The following STAU2 variants were observed in gnomAD, a reference collection of about 807,000 sequenced individuals.
STAU2 encodes staufen double-stranded RNA binding protein 2.
A neutral mutation model predicts 65.9 loss-of-function variants in STAU2; 20 were observed. That is an observed-to-expected ratio of 0.30 (90% CI 0.21 to 0.44). The LOEUF (loss-of-function observed/expected upper bound fraction) is 0.44, where lower values mean the gene tolerates loss of function less well. STAU2 is among the 20% of genes least tolerant of loss of function. The pLI is 1.00. For missense variants in STAU2, 558 were observed against 683.9 expected (o/e 0.82, Z 2.05); for synonymous variants, 232 against 233.9 (o/e 0.99, Z 0.07).
At chr8:73,578,498 G>A (rs1445274475) in intron 12 of STAU2, among the ~76,000 whole-genome samples, 1 of 152,166 alleles carries the variant, frequency 6.6e-6, no homozygotes, top group East Asian at 1.9e-4. Flanking sequence ...AAAGAAGGAT[G>A]ATATCATTCT....
At chr8:73,575,398 G>A (rs777469974) in intron 12 of STAU2, among the ~76,000 whole-genome samples, 6 of 152,134 alleles carry the variant, frequency 3.9e-5, no homozygotes, top group East Asian at 3.9e-4. Context: ...TGGTAGAGAC[G>A]TAAACTGCTG....
At chr8:73,630,858 A>G (rs985480365) in intron 6 of STAU2, among the ~76,000 whole-genome samples, 1 of 152,230 alleles carries the variant, frequency 6.6e-6, no homozygotes, top group Admixed American at 6.5e-5. Flanking sequence ...CAATGTTTCT[A>G]TGAAGCTGCA....
rs913369327 is a variant in STAU2 at position 73,697,778 on chromosome 8, C to T, written c.115-8965G>A. Among the ~76,000 whole-genome samples the T allele has an allele frequency of 3.3e-5, 5 of 152,194 alleles. 1 individual carries two copies. The highest frequency in any genetic ancestry group is 1.3e-4 in the Admixed American group (2 of 15,286). ...AAGCTGTCATCAGTTTAAAATAATG[C>T]GTTATAAGTATTAGTATTTGCACCG... On this transcript the variant is annotated intron_variant, in intron 4 of 14. Transcript: ENST00000524300.
intron 13 of STAU2, among the ~76,000 whole-genome samples, chr8:73,494,526 C>T (rs767089283): frequency 2.0e-5 from 3 of 151,552 alleles, no homozygotes; most frequent in Non-Finnish European, 4.4e-5. Flanking sequence ...TATTTTTGTA[C>T]TCAATGAAGT....
chr8:73,613,461 G>C (rs996857255), intron 9 of STAU2, among the ~76,000 whole-genome samples: 6 of 151,956 alleles, frequency 3.9e-5, no homozygotes, highest in African/African-American at 9.7e-5. Context: ...GTCATGAGGG[G>C]GATTATAGTA....
chr8:73,567,702 A>T (rs1245958810), intron 12 of STAU2, among the ~76,000 whole-genome samples: 1 of 151,938 alleles, frequency 6.6e-6, no homozygotes, highest in Non-Finnish European at 1.5e-5. Context: ...CATGTGCCAC[A>T]CCATGCCTGG....
chr8:73,666,962 G>A (rs1817284698), intron 6 of STAU2, among the ~76,000 whole-genome samples: 1 of 152,166 alleles, frequency 6.6e-6, no homozygotes, highest in Admixed American at 6.5e-5. Flanking sequence ...CATAAAGAGT[G>A]ATAAAATGAC....
intron 11 of STAU2, chr8:73,590,533 A>T (rs1810699703): frequency 6.6e-6 from 1 of 152,230 alleles, no homozygotes; most frequent in Admixed American, 6.5e-5. Context: ...AAGAAAAAAT[A>T]ACGTGAAATT....
At chr8:73,715,765 A>G (rs186413456) in intron 3 of STAU2, among the ~76,000 whole-genome samples, 1 of 152,194 alleles carries the variant, frequency 6.6e-6, no homozygotes, top group African/African-American at 2.4e-5. Context: ...AAATGAGATA[A>G]ATATTATTAT....
At chr8:73,462,658 A>G (rs1387401661) in intron 13 of STAU2, among the ~76,000 whole-genome samples, 32 of 152,112 alleles carry the variant, frequency 2.1e-4, no homozygotes, top group Admixed American at 2.1e-3. Flanking sequence ...AGGCCTCCCA[A>G]GGTGCTGGGA....
chr8:73,667,959 G>A (rs1267827558), intron 6 of STAU2, among the ~76,000 whole-genome samples: 1 of 152,116 alleles, frequency 6.6e-6, no homozygotes, highest in East Asian at 1.9e-4. Context: ...TTGAGGAACC[G>A]CTCCATAAAA....
upstream of STAU2, chr8:73,746,877 G>C (rs1312516190): frequency 8.5e-7 from 1 of 1,176,290 alleles, no homozygotes; most frequent in Non-Finnish European, 1.1e-6. Flanking sequence ...CACCCCTCGG[G>C]CTCCCCGCCC....
chr8:73,502,902 T>C (rs1821844686), intron 13 of STAU2, among the ~76,000 whole-genome samples: 2 of 152,112 alleles, frequency 1.3e-5, no homozygotes, highest in East Asian at 1.9e-4. Flanking sequence ...TAAAGGTTTA[T>C]TGAATGATTA....
chr8:73,552,183 A>C lies in STAU2; in HGVS notation c.1359T>G (p.Ser453Arg), dbSNP rs1231629839. 1 of 1,614,032 alleles carries C rather than the reference A, an allele frequency of 6.2e-7. No individual in the cohort carries two copies. Among genetic ancestry groups the C allele is most frequent in the South Asian group, 1.1e-5 (1 of 91,082 alleles). ...CTGAACTATTCGATGTGGGAGATAT[A>C]CTGAAGAAAGAGCTTGAAGGTTGGT... is the stretch of plus-strand genomic sequence containing the variant. ...DMNQPSSSFF[S>R]ISPTSNSSAT... The change falls in exon 13 of 15, where the codon AGT becomes AGG. Residue 453 changes from serine to arginine, a missense_variant. By Grantham distance (110) the Ser-to-Arg change is moderately radical. Transcript: ENST00000524300.
At chr8:73,446,767 G>A (rs2128893043) in intron 13 of STAU2, among the ~76,000 whole-genome samples, 1 of 151,688 alleles carries the variant, frequency 6.6e-6, no homozygotes, top group South Asian at 2.1e-4. Flanking sequence ...GAGCCATTGT[G>A]CCTATTTTTA....
At chr8:73,487,586 T>G (rs1182981334) in intron 13 of STAU2, among the ~76,000 whole-genome samples, 1 of 152,078 alleles carries the variant, frequency 6.6e-6, no homozygotes, top group Non-Finnish European at 1.5e-5. Flanking sequence ...TCTTGCCTGA[T>G]CCTGCTGCAC....
chr8:73,534,278 C>T (rs548316506), intron 13 of STAU2, among the ~76,000 whole-genome samples: 5 of 152,260 alleles, frequency 3.3e-5, no homozygotes, highest in African/African-American at 7.2e-5. Flanking sequence ...GCTTGATTTT[C>T]GCAACGTCTG....
intron 13 of STAU2, among the ~76,000 whole-genome samples, chr8:73,465,974 C>T (rs544154029): frequency 1.3e-5 from 2 of 152,330 alleles, no homozygotes; most frequent in South Asian, 2.1e-4. Context: ...CGCCACCACG[C>T]CCAGCTAATT....
At chr8:73,686,842 A>G (rs1297938623) in intron 5 of STAU2, among the ~76,000 whole-genome samples, 1 of 151,110 alleles carries the variant, frequency 6.6e-6, no homozygotes, top group East Asian at 1.9e-4. Flanking sequence ...TAATTTACTT[A>G]GCAGTATTTT....
Sources: gnomAD v4.1 joint callset for allele counts (sites outside exome capture counted in the v4.1 genomes callset) on GRCh38, gnomAD v4.1.1 for gene constraint, MANE v1.5 for transcripts, NCBI Gene and HGNC (gene_info 2026-07-23, HGNC 2026-07-21) for gene names.